The following MORN3 variants were observed in gnomAD, a reference collection of about 807,000 sequenced individuals.
The protein encoded by MORN3 is MORN repeat-containing protein 3.
Under a neutral mutation model 34.7 loss-of-function variants are expected in MORN3, and 38 were observed. That is an observed-to-expected ratio of 1.10 (90% CI 0.85 to 1.44). The LOEUF (loss-of-function observed/expected upper bound fraction) is 1.44. Ranked by LOEUF, MORN3 falls within the 40% of genes most tolerant of loss-of-function variation. The pLI, the probability that MORN3 is intolerant of heterozygous loss-of-function variation, is 0.00. For missense variants in MORN3, 311 were observed against 321.7 expected, an observed-to-expected ratio of 0.97 and a Z score of 0.25; for synonymous variants, 109 against 115.3, an observed-to-expected ratio of 0.95 and a Z score of 0.35.
Position 121,653,224 on chromosome 12 carries a change from C to G in MORN3, c.499G>C (p.Gly167Arg). ...AAACGCCCCGCCCCGTTCTTCATGC[C>G]TCTCTCCCAGCAGCCCTCGTAGCGG... ...GNRYEGCWER[G>R]MKNGAGRFFH... The change falls in exon 4 of 6, where the codon GGC (glycine) becomes CGC (arginine). Residue 167 changes from glycine (G) to arginine (R), a missense_variant. Coordinates refer to ENST00000355329, the MANE Select transcript of MORN3 (RefSeq NM_173855.5). 1 of 1,614,192 alleles carries G rather than the reference C, an allele frequency of 6.2e-7. No individual in the cohort carries two copies. Among genetic ancestry groups the G allele is most frequent in the Non-Finnish European group, 8.5e-7 (1 of 1,180,034 alleles).
At position 121,652,719 on chromosome 12, in the gene MORN3, A is replaced by T. The variant is rs1280591443; in HGVS notation, c.*6+9T>A. On this transcript the variant is annotated intron_variant, in intron 5 of 5. Coordinates refer to ENST00000355329, the MANE Select transcript of MORN3 (RefSeq NM_173855.5). ...ACATCAGAACTTGGCAGGTGTGCCC[A>T]CCCCTCACCTGGCATCAATCTCCTT... 4 of 1,612,800 alleles carry T rather than the reference A, an allele frequency of 2.5e-6. No homozygotes were observed. The highest frequency in any genetic ancestry group is 3.4e-6 in the Non-Finnish European group (4 of 1,179,024).
At chr12:121,672,290 T>C (rs1200594875), upstream of MORN3, among the ~76,000 whole-genome samples, 1 of 147,582 alleles carries the variant, frequency 6.8e-6, no homozygotes, top group Non-Finnish European at 1.5e-5. Flanking sequence ...TGAGACCTTA[T>C]CTCTACAAAA....
intron 2 of MORN3, among the ~76,000 whole-genome samples, chr12:121,655,034 A>T (rs1288113237): frequency 2.0e-5 from 3 of 152,066 alleles, no homozygotes; most frequent in Non-Finnish European, 4.4e-5. Flanking sequence ...TGCGCCATGC[A>T]GCCCCTACAG....
Position 121,654,405 on chromosome 12 carries a change from T to C in MORN3, c.332A>G (p.Lys111Arg), listed in dbSNP as rs112852996. The C allele has an allele frequency of 3.1e-6, 5 of 1,598,196 alleles. No homozygotes were observed. The highest frequency in any genetic ancestry group is 4.3e-6 in the Non-Finnish European group (5 of 1,172,598). Residue 111 changes from lysine (K) to arginine (R), a missense_variant, in exon 3 of 6, where the codon AAG becomes AGG. Lys to Arg is a conservative substitution (Grantham distance 26, BLOSUM62 2). Transcript: ENST00000355329. Reference sequence around the variant, plus strand: ...ACACCAGTCACCCTCATAATACTCCTTGGGTCCGAAAAACTGGATCCCATA... The same window carrying C: ...ACACCAGTCACCCTCATAATACTCCCTGGGTCCGAAAAACTGGATCCCATA... ...SGYGIQFFGP[K>R]EYYEGDWCGS... is the part of the protein sequence containing the mutation.
chr12:121,653,952 A>C (rs1185095338), intron 3 of MORN3, among the ~76,000 whole-genome samples: 1 of 151,824 alleles, frequency 6.6e-6, no homozygotes. Flanking sequence ...CGAAAAGGAA[A>C]CCCTGTGCCC....
chr12:121,667,992 G>C (rs927601422), intron 1 of MORN3, among the ~76,000 whole-genome samples: 2 of 151,838 alleles, frequency 1.3e-5, no homozygotes, highest in African/African-American at 2.4e-5. Context: ...CAAAGTGCTG[G>C]GATTACAGGC....
chr12:121,656,749 G>C (rs1893430391), intron 2 of MORN3, among the ~76,000 whole-genome samples: 1 of 152,058 alleles, frequency 6.6e-6, no homozygotes, highest in Non-Finnish European at 1.5e-5. Context: ...TCGAACTCCT[G>C]ACCTCAAGTG....
upstream of MORN3, among the ~76,000 whole-genome samples, chr12:121,671,880 C>CA (rs35496122): frequency 1.8e-3 from 238 of 132,606 alleles, no homozygotes; most frequent in Non-Finnish European, 2.3e-3. Flanking sequence ...AACTCCGTCT[C>CA]AAAAAAAAAA....
At chr12:121,652,981 C>T in intron 4 of MORN3, 94 bp downstream of exon 4, 4 of 1,470,562 alleles carry the variant, frequency 2.7e-6, no homozygotes, top group Non-Finnish European at 2.8e-6. Context: ...CTGGGCTTGG[C>T]TGGGCCTGGC....
At chr12:121,657,553 C>T (rs891181059) in intron 2 of MORN3, among the ~76,000 whole-genome samples, 5 of 151,804 alleles carry the variant, frequency 3.3e-5, no homozygotes, top group African/African-American at 4.8e-5. Flanking sequence ...CAGAATGTTC[C>T]GGGAGACTGA....
upstream of MORN3, among the ~76,000 whole-genome samples, chr12:121,671,607 A>G (rs573216680): frequency 5.3e-4 from 80 of 150,016 alleles, no homozygotes; most frequent in African/African-American, 1.9e-3. Flanking sequence ...CAAGGCCGGG[A>G]GCGGTGGCAC....
upstream of MORN3, among the ~76,000 whole-genome samples, chr12:121,670,423 G>A (rs1192402632): frequency 2.0e-5 from 3 of 152,050 alleles, no homozygotes; most frequent in East Asian, 1.9e-4. Flanking sequence ...AGATCATGCC[G>A]CTGCACGCCA....
chr12:121,653,886 A>C (rs1555325402), intron 3 of MORN3, among the ~76,000 whole-genome samples: 1 of 152,114 alleles, frequency 6.6e-6, no homozygotes, highest in Non-Finnish European at 1.5e-5. Flanking sequence ...CATTTAGTAC[A>C]TTCACAATGC....
At chr12:121,653,849 G>A (rs565375851) in intron 3 of MORN3, among the ~76,000 whole-genome samples, 1 of 152,066 alleles carries the variant, frequency 6.6e-6, no homozygotes, top group East Asian at 1.9e-4. Context: ...ACATAAGTTG[G>A]CCATTTTGAA....
intron 2 of MORN3, among the ~76,000 whole-genome samples, chr12:121,655,986 C>T (rs566127398): frequency 5.3e-4 from 80 of 151,960 alleles, no homozygotes; most frequent in African/African-American, 1.6e-3. Context: ...GCCAAGATCG[C>T]GCCACTGTAC....
chr12:121,654,147 G>T, intron 3 of MORN3, 127 bp downstream of exon 3: 1 of 719,410 alleles, frequency 1.4e-6, no homozygotes, highest in Non-Finnish European at 2.2e-6. Flanking sequence ...GTCCCACATT[G>T]ACACAAGGGT....
intron 3 of MORN3, among the ~76,000 whole-genome samples, chr12:121,653,803 G>T (rs1893322641): frequency 6.6e-6 from 1 of 152,088 alleles, no homozygotes; most frequent in South Asian, 2.1e-4. Flanking sequence ...ACTGCGCCTG[G>T]CTTTTTTTTT....
intron 1 of MORN3, among the ~76,000 whole-genome samples, chr12:121,665,435 C>T (rs956174419): frequency 3.3e-5 from 5 of 150,162 alleles, no homozygotes; most frequent in African/African-American, 1.2e-4. Context: ...GGACTACAGG[C>T]GCCCGCCACC....
intron 4 of MORN3, 84 bp from the exon 5 acceptor site, chr12:121,652,892 G>T: frequency 6.6e-7 from 1 of 1,513,062 alleles, no homozygotes; most frequent in South Asian, 1.1e-5. Context: ...TGCCGTGTGG[G>T]GTGCTGCCAG....
Sources: gnomAD v4.1 joint callset for allele counts (sites outside exome capture counted in the v4.1 genomes callset) on GRCh38, gnomAD v4.1.1 for gene constraint, MANE v1.5 for transcripts, NCBI Gene and HGNC (gene_info 2026-07-23, HGNC 2026-07-21) for gene names.